ALDH1A2: variants seen among roughly 807,000 people sequenced by gnomAD.
ALDH1A2 encodes retinal dehydrogenase 2.
In ALDH1A2, 27 loss-of-function variants were observed where a neutral mutation model predicts 60.3. That is an observed-to-expected ratio of 0.45 (90% CI 0.33 to 0.62). The LOEUF (loss-of-function observed/expected upper bound fraction) is 0.62. Ranked by LOEUF, ALDH1A2 falls within the 20% of genes least tolerant of loss-of-function variation. The pLI, the probability that ALDH1A2 is intolerant of heterozygous loss-of-function variation, is 0.02. For missense variants in ALDH1A2, 581 were observed against 643.8 expected (o/e 0.90, Z 1.06); for synonymous variants, 289 against 232.4 (o/e 1.24, Z -2.21).
intron 1 of ALDH1A2, among the ~76,000 whole-genome samples, chr15:58,032,103 C>T (rs1473012654): frequency 6.6e-6 from 1 of 152,092 alleles, no homozygotes; most frequent in Non-Finnish European, 1.5e-5. Flanking sequence ...TTGGAACCAA[C>T]CCAAATGTCC....
intron 1 of ALDH1A2, among the ~76,000 whole-genome samples, chr15:58,048,922 TCCCCACCCCAC>T (rs35152578): frequency 0.018 from 2,753 of 152,032 alleles, 85 homozygotes; most frequent in African/African-American, 0.064. Context: ...ATATATCCAT[TCCCCACCCCAC>T]CCCACAAATT....
chr15:57,992,793 T>C lies in ALDH1A2; in HGVS notation c.710A>G (p.Asn237Ser), dbSNP rs778247392. The C allele has an allele frequency of 1.2e-6, 2 of 1,613,960 alleles. No homozygotes were observed. The highest frequency in any genetic ancestry group is 1.3e-5 in the African/African-American group (1 of 74,902). The change falls in exon 7 of 13, where the codon AAT becomes AGT. Residue 237 changes from asparagine (N) to serine (S), a missense_variant. Around this residue, in one of 2 missense-constraint regions of ALDH1A2, gnomAD observed 375 missense variants for 469.7 expected, o/e 0.80. Coordinates refer to ENST00000249750, the MANE Select transcript of ALDH1A2 (RefSeq NM_003888.4). ...KEAGFPPGVI[N>S]ILPGYGPTAG... ...CGTTGGCCCATATCCTGGCAAAATA[T>C]TGATGACCCCGGGAGGAAAGCCAGC...
At chr15:58,048,888 C>T (rs1217202519) in intron 1 of ALDH1A2, among the ~76,000 whole-genome samples, 1 of 151,758 alleles carries the variant, frequency 6.6e-6, no homozygotes, top group Non-Finnish European at 1.5e-5. Context: ...ATATGTACAC[C>T]CATCCCCACA....
At chr15:58,036,605 T>A (rs1198784561) in intron 1 of ALDH1A2, 1 of 151,564 alleles carries the variant, frequency 6.6e-6, no homozygotes, top group East Asian at 1.9e-4. Context: ...AGCAGAAATT[T>A]GACTTCACAG....
intron 7 of ALDH1A2, among the ~76,000 whole-genome samples, chr15:57,970,370 C>T (rs537586993): frequency 3.3e-5 from 5 of 152,140 alleles, no homozygotes; most frequent in Non-Finnish European, 4.4e-5. Flanking sequence ...TGAAACTGGG[C>T]TAATTCTCAG....
chr15:58,029,349 G>A (rs1300221861), intron 1 of ALDH1A2, among the ~76,000 whole-genome samples: 1 of 152,122 alleles, frequency 6.6e-6, no homozygotes, highest in East Asian at 1.9e-4. Flanking sequence ...AAACCAATGA[G>A]AACAAAGACA....
Position 57,965,803 on chromosome 15 carries a change from C to A in ALDH1A2, c.823G>T (p.Ala275Ser), listed in dbSNP as rs1277402514. ...ACTCTCTTCAAATTACTTCTTCCAG[C>A]TGCTTCTTGGATAAGCTTTCCAACC... ...TEVGKLIQEAAGRSNLKRVTL... is the reference protein window; with the variant it reads ...TEVGKLIQEASGRSNLKRVTL... The change falls in exon 8 of 13, where the codon GCT (alanine) becomes TCT (serine). Residue 275 changes from alanine (A) to serine (S), a missense_variant. Physicochemically the swap from Ala to Ser is moderately conservative, Grantham distance 99. Transcript: ENST00000249750. 1 of 1,614,046 alleles carries A rather than the reference C, an allele frequency of 6.2e-7. No individual in the cohort carries two copies. The highest frequency in any genetic ancestry group is 2.2e-5 in the East Asian group (1 of 44,900).
intron 1 of ALDH1A2, among the ~76,000 whole-genome samples, chr15:58,065,042 T>C (rs1321194699): frequency 1.3e-5 from 2 of 152,250 alleles, no homozygotes; most frequent in Non-Finnish European, 2.9e-5. Context: ...CGCTGGTGTC[T>C]TGACAATTCC....
In ALDH1A2 at chr15:57,965,788, A is replaced by G. The variant is rs1424997967; in HGVS notation, c.838T>C (p.Leu280=). The G allele has an allele frequency of 6.2e-7, 1 of 1,614,158 alleles. No homozygotes were observed. Among genetic ancestry groups the G allele is most frequent in the Non-Finnish European group, 8.5e-7 (1 of 1,180,002 alleles). ...LIQEAAGRSN[L]KRVTLELGGK... ...CCAAGTTCCAGAGTTACTCTCTTCA[A>G]ATTACTTCTTCCAGCTGCTTCTTGG... is the stretch of plus-strand genomic sequence containing the variant. Residue 280 remains leucine (L), a synonymous_variant, in exon 8 of 13, where the codon TTG becomes CTG. Transcript: ENST00000249750.
chr15:58,014,049 A>G (rs1221912263), intron 2 of ALDH1A2, 51 bp from the exon 3 acceptor site: 4 of 1,613,970 alleles, frequency 2.5e-6, no homozygotes, highest in Admixed American at 3.3e-5. Context: ...AAATAAAGGA[A>G]GAACCATCCA....
In ALDH1A2 at chr15:58,014,330, G is replaced by T. The variant is rs576109035; in HGVS notation, c.118-49C>A. On this transcript the variant is annotated intron_variant, in intron 1 of 12. Transcript: ENST00000249750. Reference sequence around the variant, plus strand: ...GGATCTGTGACACAGGTGATAAGCAGCCAGTCAACGGCCAAGTGTTACGGA... The same window carrying T: ...GGATCTGTGACACAGGTGATAAGCATCCAGTCAACGGCCAAGTGTTACGGA... 211 of 1,393,626 alleles carry T rather than the reference G, an allele frequency of 1.5e-4. 1 individual carries two copies. In the South Asian group the frequency reaches 2.0e-3, roughly 13 times the overall value. 86.3% of individuals were successfully genotyped at this position (1,393,626 alleles called of 1,614,324 possible). A position where few individuals can be genotyped will look rare whatever the true frequency, so the allele number is the denominator to read the frequency against.
rs750580688 is a variant in ALDH1A2 at position 58,013,985 on chromosome 15, T to G, written c.236A>C (p.Lys79Thr). The change falls in exon 3 of 13, where the codon AAA becomes ACA. Residue 79 changes from lysine to threonine, a missense_variant. Coordinates refer to ENST00000249750, the MANE Select transcript of ALDH1A2 (RefSeq NM_003888.4). ...VQEADKADIDKAVQAARLAFS... is the reference protein window; with the variant it reads ...VQEADKADIDTAVQAARLAFS... Reference sequence around the variant, plus strand: ...AGCCAGGCGGGCTGCCTGCACTGCTTTGTCTATATCTGCCTGTTAGAGAGG... The same window carrying G: ...AGCCAGGCGGGCTGCCTGCACTGCTGTGTCTATATCTGCCTGTTAGAGAGG... The G allele has an allele frequency of 2.0e-5, 33 of 1,613,964 alleles. No individual in the cohort carries two copies. Among genetic ancestry groups the G allele is most frequent in the Non-Finnish European group, 2.7e-5 (32 of 1,179,990 alleles).
In ALDH1A2 at chr15:58,010,677, A is replaced by G. The variant is rs771612702; in HGVS notation, c.465T>C (p.Asp155=). ...KTFRYYAGWA[D]KIHGMTIPVD... ...CAGGAATGGTCATCCCATGAATTTT[A>G]TCAGCCCAGCCTGCGTAATATCGAA... The change falls in exon 4 of 13, where the codon GAT becomes GAC. Residue 155 remains aspartate (D), a synonymous_variant. Transcript: ENST00000249750. 3.2e-5 allele frequency: 51 copies of G among 1,613,308 alleles called. No homozygotes were observed. The highest frequency in any genetic ancestry group is 4.1e-5 in the Non-Finnish European group (48 of 1,179,492).
At chr15:58,031,726 T>C (rs1308162191) in intron 1 of ALDH1A2, among the ~76,000 whole-genome samples, 1 of 152,156 alleles carries the variant, frequency 6.6e-6, no homozygotes, top group East Asian at 1.9e-4. Flanking sequence ...AAAGAAGACA[T>C]TTATGCAGCC....
chr15:58,042,676 G>C (rs1159439431), intron 1 of ALDH1A2, among the ~76,000 whole-genome samples: 2 of 151,846 alleles, frequency 1.3e-5, no homozygotes, highest in Non-Finnish European at 1.5e-5. Context: ...TTTCTTGTCT[G>C]AATTGAAGTT....
intron 4 of ALDH1A2, among the ~76,000 whole-genome samples, chr15:58,004,693 T>TTGTGTGTGTGTG (rs138706461): frequency 1.2e-3 from 163 of 137,124 alleles, no homozygotes; most frequent in African/African-American, 3.3e-3. Flanking sequence ...ATCCCATGAT[T>TTGTGTGTGTGTG]TGTGTGTGTG....
chr15:57,979,173 G>T (rs1321935388), intron 7 of ALDH1A2, among the ~76,000 whole-genome samples: 1 of 152,154 alleles, frequency 6.6e-6, no homozygotes, highest in Non-Finnish European at 1.5e-5. Flanking sequence ...AGGGTCCTAG[G>T]GAAATCCAGC....
chr15:57,989,949 C>T (rs1280011793), intron 7 of ALDH1A2, among the ~76,000 whole-genome samples: 2 of 53,830 alleles, frequency 3.7e-5, no homozygotes, highest in Non-Finnish European at 1.0e-4. Flanking sequence ...GCCGAGATTG[C>T]GTCACTGCAG....
intron 1 of ALDH1A2, chr15:58,058,241 G>A: frequency 1.7e-6 from 1 of 574,326 alleles, no homozygotes. Flanking sequence ...TCTCAGTCTG[G>A]AAATCTGGTA....
Sources: gnomAD v4.1 joint callset for allele counts (sites outside exome capture counted in the v4.1 genomes callset) on GRCh38, gnomAD v4.1.1 for gene constraint, gnomAD v4.1.1 regional missense constraint, MANE v1.5 for transcripts, NCBI Gene and HGNC (gene_info 2026-07-23, HGNC 2026-07-21) for gene names.